TDRD5: variants seen among roughly 807,000 people sequenced by gnomAD.
TDRD5 encodes the protein tudor domain-containing protein 5.
In TDRD5, 41 loss-of-function variants were observed where a neutral mutation model predicts 120.6. That is an observed-to-expected ratio of 0.34 (90% CI 0.26 to 0.44). TDRD5 has a LOEUF of 0.44. TDRD5 is among the 20% of genes least tolerant of loss of function. The pLI is 1.00. For synonymous variants in TDRD5, 430 were observed against 433.7 expected (o/e 0.99, Z 0.11); for missense variants, 1,006 against 1,221.2 (o/e 0.82, Z 2.63).
At chr1:179,603,995 T>A (rs60096092) in intron 4 of TDRD5, among the ~76,000 whole-genome samples, 47,997 of 151,984 alleles carry the variant, frequency 0.32, 7,822 homozygotes, top group Admixed American at 0.4. Flanking sequence ...CTGCTGTGAA[T>A]CTGTCTTCTC....
intron 14 of TDRD5, among the ~76,000 whole-genome samples, chr1:179,660,355 G>T (rs1679245815): frequency 6.6e-6 from 1 of 151,408 alleles, no homozygotes; most frequent in Admixed American, 6.6e-5. Flanking sequence ...GAGTAGCTGG[G>T]ACTCCAGGCA....
intron 4 of TDRD5, among the ~76,000 whole-genome samples, chr1:179,609,034 G>T (rs1433075437): frequency 6.6e-6 from 1 of 152,092 alleles, no homozygotes; most frequent in Non-Finnish European, 1.5e-5. Context: ...GGTTATGAAG[G>T]TGGGGTCCTT....
intron 15 of TDRD5, among the ~76,000 whole-genome samples, chr1:179,663,092 T>C (rs1679394535): frequency 6.6e-6 from 1 of 152,180 alleles, no homozygotes; most frequent in Non-Finnish European, 1.5e-5. Context: ...AAAAAAATCA[T>C]CTAGCCATGA....
chr1:179,593,383 G>A, intron 2 of TDRD5, 77 bp from the exon 3 acceptor site: 1 of 1,468,042 alleles, frequency 6.8e-7, no homozygotes, highest in Non-Finnish European at 9.2e-7. Flanking sequence ...GTTAAAAACT[G>A]TATAAACACA....
At chr1:179,676,166 G>A (rs975658422) in intron 17 of TDRD5, among the ~76,000 whole-genome samples, 7 of 152,100 alleles carry the variant, frequency 4.6e-5, no homozygotes, top group African/African-American at 1.7e-4. Flanking sequence ...TATAAGAATA[G>A]CTACTCCTGC....
intron 6 of TDRD5, among the ~76,000 whole-genome samples, chr1:179,627,451 ATTATT>A (rs770483207): frequency 6.6e-6 from 1 of 152,192 alleles, no homozygotes; most frequent in Non-Finnish European, 1.5e-5. Flanking sequence ...CATATGCAAA[ATTATT>A]TTGTTTTGAT....
chr1:179,605,470 C>T (rs1675923211), intron 4 of TDRD5, among the ~76,000 whole-genome samples: 1 of 152,128 alleles, frequency 6.6e-6, no homozygotes, highest in South Asian at 2.1e-4. Flanking sequence ...ATACCAGCAC[C>T]TGTTCAGGAG....
chr1:179,628,525 C>T (rs1490198035), intron 6 of TDRD5, among the ~76,000 whole-genome samples: 1 of 150,250 alleles, frequency 6.7e-6, no homozygotes, highest in African/African-American at 2.5e-5. Flanking sequence ...AGGCTGGTCT[C>T]TAACTCCTGG....
At chr1:179,617,654 T>G (rs1676630648) in intron 4 of TDRD5, among the ~76,000 whole-genome samples, 1 of 152,180 alleles carries the variant, frequency 6.6e-6, no homozygotes, top group African/African-American at 2.4e-5. Flanking sequence ...TTATCTACTT[T>G]AATGTCGATT....
intron 17 of TDRD5, among the ~76,000 whole-genome samples, chr1:179,675,275 T>TATTA (rs573077045): frequency 3.7e-4 from 18 of 48,606 alleles, no homozygotes; most frequent in East Asian, 1.2e-3. Context: ...TTATTATTAT[T>TATTA]TTTTTTTTTT....
chr1:179,622,555 T>G lies in TDRD5; in HGVS notation c.972+1464T>G, dbSNP rs531922558. ...TAAAGGAATAAGTATTCAGAGTAAA[T>G]GAGGAGATAAGATATTTCAGTGCAG... On this transcript the variant is annotated intron_variant, in intron 6 of 17. Coordinates refer to ENST00000444136, the MANE Select transcript of TDRD5 (RefSeq NM_001199085.3). Among the ~76,000 whole-genome samples the G allele has an allele frequency of 2.0e-4, 31 of 152,160 alleles. No homozygotes were observed. In the South Asian group the frequency reaches 3.7e-3, roughly 18 times the overall value.
chr1:179,593,492 A>G lies in TDRD5; in HGVS notation c.265A>G (p.Ser89Gly). 1.9e-6 allele frequency: 3 copies of G among 1,613,802 alleles called. No homozygotes were observed. The highest frequency in any genetic ancestry group is 2.5e-6 in the Non-Finnish European group (3 of 1,179,668). Residue 89 changes from serine to glycine, a missense_variant, in exon 3 of 18, where the codon AGC becomes GGC. Ser to Gly is a moderately conservative substitution (Grantham distance 56). Around this residue, in one of 3 missense-constraint regions of TDRD5, gnomAD observed 445 missense variants for 515.5 expected, o/e 0.86. Transcript: ENST00000444136. Reference protein sequence around the residue: ...IPDESTKGIASLVAKQRSSHK... With the variant: ...IPDESTKGIAGLVAKQRSSHK... ...AGATGAATCTACCAAAGGAATAGCA[A>G]GCTTAGTTGCAAAACAGAGGAGCAG...
intron 13 of TDRD5, among the ~76,000 whole-genome samples, chr1:179,653,205 G>A (rs1678814266): frequency 6.6e-6 from 1 of 151,984 alleles, no homozygotes; most frequent in African/African-American, 2.4e-5. Flanking sequence ...TTTAATTTGA[G>A]GGCCAAAAAT....
chr1:179,663,753 A>C (rs1679431164), intron 16 of TDRD5, among the ~76,000 whole-genome samples: 1 of 152,222 alleles, frequency 6.6e-6, no homozygotes, highest in African/African-American at 2.4e-5. Context: ...GTTGATTTTA[A>C]AATGAAAACA....
chr1:179,607,148 C>T (rs1398900288), intron 4 of TDRD5, among the ~76,000 whole-genome samples: 1 of 151,966 alleles, frequency 6.6e-6, no homozygotes, highest in African/African-American at 2.4e-5. Context: ...AGATCTTGTA[C>T]ATATTTTTTT....
At chr1:179,608,240 T>C (rs1676086184) in intron 4 of TDRD5, among the ~76,000 whole-genome samples, 1 of 151,866 alleles carries the variant, frequency 6.6e-6, no homozygotes, top group South Asian at 2.1e-4. Flanking sequence ...ACAGTTTGAT[T>C]GTAGTATCCC....
intron 1 of TDRD5, chr1:179,592,389 GTTC>G: frequency 3.9e-6 from 2 of 510,062 alleles, no homozygotes; most frequent in South Asian, 4.2e-5. Flanking sequence ...CAGGGGCAGA[GTTC>G]TTGACACCTG....
At position 179,593,635 on chromosome 1, in the gene TDRD5, G is replaced by A; in HGVS notation, c.408G>A (p.Lys136=). 6.2e-7 allele frequency: 1 copy of A among 1,614,264 alleles called. No individual in the cohort carries two copies. The highest frequency in any genetic ancestry group is 8.5e-7 in the Non-Finnish European group (1 of 1,180,048). ...CCCCTATTCTTCCAGCTGTTGTGAAGAGTGAGTTGAAGGACCTGTTGGCGT... is the reference window on the plus strand; with the variant it reads ...CCCCTATTCTTCCAGCTGTTGTGAAAAGTGAGTTGAAGGACCTGTTGGCGT... ...RVAPILPAVV[K]SELKDLLALS... Residue 136 remains lysine (K), a synonymous_variant, in exon 3 of 18, where the codon AAG becomes AAA. Coordinates refer to ENST00000444136, the MANE Select transcript of TDRD5 (RefSeq NM_001199085.3).
chr1:179,654,541 G>A (rs1678885799), intron 14 of TDRD5, among the ~76,000 whole-genome samples, 179 bp downstream of exon 14: 1 of 152,116 alleles, frequency 6.6e-6, no homozygotes, highest in African/African-American at 2.4e-5. Context: ...GAGGTGGGCG[G>A]ATCACTTGAG....
Sources: allele counts gnomAD v4.1 joint callset (sites outside exome capture counted in the v4.1 genomes callset), GRCh38; gene constraint gnomAD v4.1.1; regional missense constraint gnomAD v4.1.1; transcripts MANE v1.5; gene names NCBI Gene and HGNC (gene_info 2026-07-23, HGNC 2026-07-21).